RFC3: variants seen among roughly 807,000 people sequenced by gnomAD.
RFC3 encodes the protein replication factor C subunit 3, also known as A1 38 kDa subunit.
Under a neutral mutation model 45.1 loss-of-function variants are expected in RFC3, and 41 were observed. That is an observed-to-expected ratio of 0.91 (90% CI 0.71 to 1.18). The LOEUF (loss-of-function observed/expected upper bound fraction) is 1.18, where lower values mean the gene tolerates loss of function less well. Among genes scored for constraint, RFC3 ranks in the 50% most tolerant of loss-of-function variants. The probability of loss-of-function intolerance (pLI) is 0.00; values close to 1 mark genes in which losing one functional copy is unlikely to be tolerated. For synonymous variants in RFC3, 149 were observed against 144.0 expected (o/e 1.03, Z -0.25); for missense variants, 423 against 428.1 (o/e 0.99, Z 0.10).
intron 8 of RFC3, among the ~76,000 whole-genome samples, chr13:33,908,902 G>A (rs1283128088): frequency 6.6e-6 from 1 of 152,040 alleles, no homozygotes; most frequent in African/African-American, 2.4e-5. Flanking sequence ...CACTCAGGCA[G>A]GAGTTTCCTC....
At chr13:33,831,478 T>C in intron 7 of RFC3, 124 bp downstream of exon 7, 1 of 547,806 alleles carries the variant, frequency 1.8e-6, no homozygotes, top group South Asian at 2.3e-5. Flanking sequence ...TATTAACTTT[T>C]TAAGGAAAAT....
chr13:33,829,656 A>G (rs1015668028), intron 4 of RFC3, 180 bp from the exon 5 acceptor site: 1 of 617,280 alleles, frequency 1.6e-6, no homozygotes, highest in Non-Finnish European at 2.8e-6. Context: ...GTATGATTGT[A>G]GCATTTTAAA....
chr13:33,864,853 AC>A (rs777473857), intron 8 of RFC3, among the ~76,000 whole-genome samples: 2 of 152,136 alleles, frequency 1.3e-5, no homozygotes, highest in Non-Finnish European at 2.9e-5. Context: ...CAAGAACCTA[AC>A]CTGAGCTATG....
At chr13:33,944,339 T>G (rs1240373189) in intron 8 of RFC3, among the ~76,000 whole-genome samples, 1 of 152,222 alleles carries the variant, frequency 6.6e-6, no homozygotes, top group South Asian at 2.1e-4. Flanking sequence ...CTATGCCATT[T>G]AAGTAACAAT....
intron 8 of RFC3, among the ~76,000 whole-genome samples, chr13:33,857,210 G>A (rs994211346): frequency 1.3e-5 from 2 of 152,164 alleles, no homozygotes; most frequent in African/African-American, 2.4e-5. Context: ...TTTGGTTATT[G>A]GAATATCTTC....
intron 8 of RFC3, among the ~76,000 whole-genome samples, chr13:33,935,555 TCACATAATTG>T: frequency 1.3e-5 from 2 of 152,302 alleles, no homozygotes; most frequent in Middle Eastern, 6.8e-3. Flanking sequence ...CTGTAGTGGT[TCACATAATTG>T]CTGGTAGCAG....
At chr13:33,853,610 T>C (rs1044949793) in intron 8 of RFC3, among the ~76,000 whole-genome samples, 3 of 152,126 alleles carry the variant, frequency 2.0e-5, no homozygotes, top group African/African-American at 7.2e-5. Flanking sequence ...ATTTATTCAC[T>C]AAGAAAGAAT....
At chr13:33,948,637 GT>G (rs1325841808) in intron 8 of RFC3, among the ~76,000 whole-genome samples, 4 of 152,222 alleles carry the variant, frequency 2.6e-5, no homozygotes, top group African/African-American at 9.6e-5. Context: ...GAGAGGGGCT[GT>G]ACCCTGCAAA....
At chr13:33,930,299 A>C (rs1396357908) in intron 8 of RFC3, among the ~76,000 whole-genome samples, 1 of 152,156 alleles carries the variant, frequency 6.6e-6, no homozygotes, top group Non-Finnish European at 1.5e-5. Context: ...AAAGTAGGGA[A>C]GCTGACAGTG....
At chr13:33,955,891 A>G (rs1350302728) in intron 8 of RFC3, among the ~76,000 whole-genome samples, 3 of 152,230 alleles carry the variant, frequency 2.0e-5, no homozygotes, top group Non-Finnish European at 2.9e-5. Flanking sequence ...ACAACTTTCT[A>G]TCACTGCCCC....
At chr13:33,868,148 A>T (rs1298906071) in intron 8 of RFC3, among the ~76,000 whole-genome samples, 1 of 152,132 alleles carries the variant, frequency 6.6e-6, no homozygotes, top group Non-Finnish European at 1.5e-5. Context: ...AGTGAAGAAC[A>T]TATGTGGATA....
intron 8 of RFC3, among the ~76,000 whole-genome samples, chr13:33,956,388 A>C (rs2083022121): frequency 6.6e-6 from 1 of 152,324 alleles, no homozygotes; most frequent in South Asian, 2.1e-4. Context: ...TTGGTATAAG[A>C]TATTTCCTGA....
chr13:33,908,660 G>A (rs2082686602), intron 8 of RFC3, among the ~76,000 whole-genome samples: 1 of 150,534 alleles, frequency 6.6e-6, no homozygotes, highest in Non-Finnish European at 1.5e-5. Flanking sequence ...GCTTTAATAT[G>A]AGGAATTGTC....
At chr13:33,939,898 G>GT (rs1566036347) in intron 8 of RFC3, among the ~76,000 whole-genome samples, 1 of 152,102 alleles carries the variant, frequency 6.6e-6, no homozygotes, top group Non-Finnish European at 1.5e-5. Flanking sequence ...TTTAATATTT[G>GT]TAAGATCTGA....
At chr13:33,974,831 A>G in the RFC3 span, among the ~76,000 whole-genome samples, 1 of 152,226 alleles carries the variant, frequency 6.6e-6, no homozygotes, top group African/African-American at 2.4e-5. Flanking sequence ...AGATATCACT[A>G]TATACCTTTA....
At chr13:33,835,423 A>G in intron 8 of RFC3, 1 of 719,290 alleles carries the variant, frequency 1.4e-6, no homozygotes, top group South Asian at 1.4e-5. Flanking sequence ...AAGTGAAGTT[A>G]TATTCTAGTG....
intron 7 of RFC3, among the ~76,000 whole-genome samples, chr13:33,834,868 A>G (rs868361632): frequency 1.3e-5 from 2 of 152,144 alleles, no homozygotes; most frequent in Non-Finnish European, 2.9e-5. Context: ...AACCCTGAAT[A>G]TAGACGTCTC....
At chr13:33,910,042 A>G (rs1006735068) in intron 8 of RFC3, among the ~76,000 whole-genome samples, 6 of 152,024 alleles carry the variant, frequency 3.9e-5, no homozygotes, top group African/African-American at 1.4e-4. Context: ...TATTATCTCA[A>G]TGTTTGGCAT....
At chr13:33,935,454 G>A (rs2082880197) in intron 8 of RFC3, among the ~76,000 whole-genome samples, 2 of 152,164 alleles carry the variant, frequency 1.3e-5, no homozygotes, top group South Asian at 4.1e-4. Flanking sequence ...GTCATTTCAT[G>A]TCTGACTTGT....
Sources: allele counts gnomAD v4.1 joint callset (sites outside exome capture counted in the v4.1 genomes callset), GRCh38; gene constraint gnomAD v4.1.1; transcripts MANE v1.5; gene names NCBI Gene and HGNC (gene_info 2026-07-23, HGNC 2026-07-21).